Variants in PLCG2 observed in about 807,000 individuals in gnomAD.
PLCG2 encodes 1-phosphatidylinositol 4,5-bisphosphate phosphodiesterase gamma-2.
In PLCG2, 69 loss-of-function variants were observed where a neutral mutation model predicts 175.6. The ratio of observed to expected loss-of-function variants is 0.39; its 90% CI spans 0.32 to 0.48. The LOEUF (loss-of-function observed/expected upper bound fraction) is 0.48, where lower values mean the gene tolerates loss of function less well. Ranked by LOEUF, PLCG2 falls within the 20% of genes least tolerant of loss-of-function variation. PLCG2 has a pLI of 0.91. For missense variants in PLCG2, 1,798 were observed against 1,650.9 expected (o/e 1.09, Z -1.54); for synonymous variants, 827 against 624.0 (o/e 1.33, Z -4.85).
intron 2 of PLCG2, among the ~76,000 whole-genome samples, chr16:81,792,089 C>A (rs556209006): frequency 2.0e-4 from 30 of 152,336 alleles, no homozygotes; most frequent in African/African-American, 7.2e-4. Flanking sequence ...TGGCCACCAG[C>A]AGCCAAGCTC....
intron 6 of PLCG2, among the ~76,000 whole-genome samples, chr16:81,869,877 A>C (rs149560359): frequency 6.6e-6 from 1 of 152,152 alleles, no homozygotes; most frequent in African/African-American, 2.4e-5. Flanking sequence ...GATGGAGACA[A>C]TGGGCACCGA....
At chr16:81,930,497 C>T (rs889732902) in intron 24 of PLCG2, among the ~76,000 whole-genome samples, 1 of 152,058 alleles carries the variant, frequency 6.6e-6, no homozygotes, top group Non-Finnish European at 1.5e-5. Flanking sequence ...CCTGTAATCC[C>T]AGCACTTTGG....
rs73598727 is a variant in PLCG2, at chr16:81,947,205, G to C, written c.3570+942G>C. ...AGTATATTTAAAAGAAAATTGTGTT[G>C]ATGCAGATTTGACTTCCTTGATGAG... On this transcript the variant is annotated intron_variant, in intron 31 of 32. Transcript: ENST00000564138. 3.9e-3 allele frequency among the ~76,000 whole-genome samples: 600 copies of C among 152,304 alleles called. 5 individuals are homozygous for C. The highest frequency in any genetic ancestry group is 0.014 in the African/African-American group (578 of 41,570).
At chr16:81,946,915 GCTTAGTGAAGCTTA>G in intron 31 of PLCG2, among the ~76,000 whole-genome samples, 1 of 90,152 alleles carries the variant, frequency 1.1e-5, no homozygotes. Flanking sequence ...CAGACCCTTT[GCTTAGTGAAGCTTA>G]TCCCTCCCCA....
At position 81,936,166 on chromosome 16, in the gene PLCG2, C is replaced by T. The variant is rs760176593; in HGVS notation, c.2843-3C>T. The T allele has an allele frequency of 1.2e-6, 2 of 1,613,748 alleles. No homozygotes were observed. Among genetic ancestry groups the T allele is most frequent in the East Asian group, 2.2e-5 (1 of 44,870 alleles). On this transcript the variant is annotated splice_polypyrimidine_tract_variant and splice_region_variant and intron_variant, in intron 26 of 32. Transcript: ENST00000564138. ...TACTGATGACCTTTTTCTCTGTGTG[C>T]AGAAAATCCTGACTTCCGAGAAATC... is the stretch of plus-strand genomic sequence containing the variant.
intron 13 of PLCG2, chr16:81,897,935 C>G (rs775428248): frequency 2.2e-6 from 1 of 449,642 alleles, no homozygotes; most frequent in East Asian, 7.0e-5. Context: ...GACGTCTTTT[C>G]GCACTTGGTG....
intron 5 of PLCG2, among the ~76,000 whole-genome samples, chr16:81,860,375 A>G (rs1386448070): frequency 6.6e-6 from 1 of 151,936 alleles, no homozygotes; most frequent in Non-Finnish European, 1.5e-5. Context: ...TCTTTCTGTA[A>G]ACTCATTTGA....
At chr16:81,757,419 C>T (rs774240258) in intron 2 of PLCG2, among the ~76,000 whole-genome samples, 6 of 152,008 alleles carry the variant, frequency 3.9e-5, no homozygotes, top group Non-Finnish European at 7.4e-5. Context: ...TAAACATTAG[C>T]CGGGCGCGGT....
chr16:81,887,421 G>C (rs1908426027), intron 9 of PLCG2, among the ~76,000 whole-genome samples: 1 of 152,142 alleles, frequency 6.6e-6, no homozygotes, highest in Admixed American at 6.5e-5. Flanking sequence ...GCCCGGCCTA[G>C]TATTTTAATA....
intron 2 of PLCG2, chr16:81,767,076 T>C (rs1910166286): frequency 6.6e-6 from 1 of 151,572 alleles, no homozygotes; most frequent in Non-Finnish European, 1.5e-5. Flanking sequence ...ATGTCATTCA[T>C]GCTGTTCCCA....
intron 5 of PLCG2, among the ~76,000 whole-genome samples, chr16:81,864,383 G>C (rs1198670368): frequency 6.6e-6 from 1 of 152,222 alleles, no homozygotes; most frequent in East Asian, 1.9e-4. Context: ...GGAACTAGCT[G>C]CATTTCAGGG....
chr16:81,949,836 G>C (rs137923686), intron 31 of PLCG2, among the ~76,000 whole-genome samples: 40 of 152,274 alleles, frequency 2.6e-4, no homozygotes, highest in East Asian at 2.3e-3. Context: ...GCAAAGGCAT[G>C]GAAAGGTAAA....
chr16:81,784,443 G>T (rs886742607), intron 1 of PLCG2, among the ~76,000 whole-genome samples: 1 of 152,182 alleles, frequency 6.6e-6, no homozygotes, highest in African/African-American at 2.4e-5. Flanking sequence ...GAGCAGCTTG[G>T]CAGAAGGCTG....
intron 22 of PLCG2, among the ~76,000 whole-genome samples, chr16:81,923,961 A>G (rs1910160827): frequency 6.6e-6 from 1 of 152,216 alleles, no homozygotes; most frequent in South Asian, 2.1e-4. Flanking sequence ...AGATGCGGCA[A>G]ATGAGACTTT....
At chr16:81,921,463 A>G (rs572169391) in intron 21 of PLCG2, 194 bp downstream of exon 21, 1 of 632,564 alleles carries the variant, frequency 1.6e-6, no homozygotes, top group East Asian at 3.0e-5. Flanking sequence ...TGTTAATAGA[A>G]TTCCATCCAA....
rs768702007 is a variant in PLCG2, at chr16:81,883,252, C to G, written c.693-17C>G. ...AATGTGTCTGTCTCTAACTGCACCC[C>G]CTTTCCCCGAGGATAGGAACACTGA... On this transcript the variant is annotated splice_polypyrimidine_tract_variant and intron_variant, in intron 8 of 32. Transcript: ENST00000564138. 6 of 1,612,618 alleles carry G rather than the reference C, an allele frequency of 3.7e-6. No homozygotes were observed. Among genetic ancestry groups the G allele is most frequent in the South Asian group, 3.3e-5 (3 of 91,062 alleles).
At chr16:81,750,662 G>GTTTTTTTTTT (rs1567692941) in intron 1 of PLCG2, among the ~76,000 whole-genome samples, 3 of 18,582 alleles carry the variant, frequency 1.6e-4, no homozygotes, top group Non-Finnish European at 3.6e-4. Flanking sequence ...GGGGACTGGA[G>GTTTTTTTTTT]ATTTTTTTTT....
intron 8 of PLCG2, among the ~76,000 whole-genome samples, chr16:81,882,109 A>G (rs909028472): frequency 2.6e-5 from 4 of 152,184 alleles, no homozygotes; most frequent in Non-Finnish European, 4.4e-5. Flanking sequence ...CTCTTACACT[A>G]TTTGAAATAG....
rs374150535 is a variant in PLCG2, at chr16:81,936,263, A to G, written c.2937A>G (p.Gln979=). The stretch of plus-strand genomic sequence containing the variant: ...CCGTCGACCTCCTGAAGTACAATCA[A>G]AAGGGCCTGACCCGCGTCTACCCAA... ...QKPVDLLKYN[Q]KGLTRVYPKG... Residue 979 remains glutamine (Q), a synonymous_variant, in exon 27 of 33, where the codon CAA becomes CAG. Coordinates refer to ENST00000564138, the MANE Select transcript of PLCG2 (RefSeq NM_002661.5). 11 of 1,614,056 alleles carry G rather than the reference A, an allele frequency of 6.8e-6. No individual in the cohort carries two copies. The highest frequency in any genetic ancestry group is 9.3e-6 in the Non-Finnish European group (11 of 1,180,022).
Sources: allele counts gnomAD v4.1 joint callset (sites outside exome capture counted in the v4.1 genomes callset), GRCh38; gene constraint gnomAD v4.1.1; transcripts MANE v1.5; gene names NCBI Gene and HGNC (gene_info 2026-07-23, HGNC 2026-07-21).